Variants in GALNT17 observed in about 807,000 individuals in gnomAD.
The protein encoded by GALNT17 is UDP-GalNAc:polypeptide N-acetylgalactosaminyltransferase-like 3.
In GALNT17, 29 loss-of-function variants were observed where a neutral mutation model predicts 63.7. The ratio of observed to expected loss-of-function variants is 0.46; its 90% confidence interval spans 0.34 to 0.62. GALNT17 has a LOEUF of 0.62. GALNT17 is among the 20% of genes least tolerant of loss of function. The pLI is 0.01. For synonymous variants in GALNT17, 305 were observed against 318.3 expected (o/e 0.96, Z 0.45); for missense variants, 603 against 799.6 (o/e 0.75, Z 2.97).
intron 3 of GALNT17, among the ~76,000 whole-genome samples, chr7:71,399,484 G>A (rs892700089): frequency 7.2e-5 from 11 of 152,138 alleles, no homozygotes; most frequent in African/African-American, 2.7e-4. Context: ...CTCTGATTCT[G>A]CGTTCTAGCT....
intron 2 of GALNT17, among the ~76,000 whole-genome samples, chr7:71,358,351 C>G (rs923672340): frequency 7.2e-5 from 11 of 152,312 alleles, no homozygotes; most frequent in African/African-American, 1.9e-4. Context: ...GTCGAGATTG[C>G]GCCATTGCAC....
At chr7:71,402,553 C>T (rs1452503716) in intron 3 of GALNT17, among the ~76,000 whole-genome samples, 1 of 152,118 alleles carries the variant, frequency 6.6e-6, no homozygotes, top group Non-Finnish European at 1.5e-5. Flanking sequence ...TGCCTATCTC[C>T]CATCACCATC....
intron 1 of GALNT17, among the ~76,000 whole-genome samples, chr7:71,209,852 A>G (rs1006777305): frequency 1.3e-5 from 2 of 152,202 alleles, no homozygotes; most frequent in Non-Finnish European, 2.9e-5. Flanking sequence ...GGCAGCAGCA[A>G]GAGAAAATGA....
intron 5 of GALNT17, among the ~76,000 whole-genome samples, chr7:71,534,272 G>A (rs1788767599): frequency 6.6e-6 from 1 of 152,062 alleles, no homozygotes; most frequent in Non-Finnish European, 1.5e-5. Flanking sequence ...GCATGGAGAA[G>A]TGTAAAGCAA....
chr7:71,283,141 C>A (rs530063439), intron 1 of GALNT17, among the ~76,000 whole-genome samples: 1 of 102,272 alleles, frequency 9.8e-6, no homozygotes, highest in Admixed American at 9.2e-5. Flanking sequence ...AAGTGATCCT[C>A]CTGCCTCAGC....
intron 5 of GALNT17, among the ~76,000 whole-genome samples, chr7:71,492,941 A>T (rs1246792445): frequency 3.3e-5 from 5 of 152,214 alleles, no homozygotes; most frequent in African/African-American, 9.6e-5. Flanking sequence ...TTTAATTCAC[A>T]TGCTATGAAT....
rs59064900 is a variant in GALNT17 at position 71,199,672 on chromosome 7, C to CCCAT, written c.238+66669_238+66672dup. On this transcript the variant is annotated intron_variant, in intron 1 of 10. Transcript: ENST00000333538. ...ACCCATCCATCTGTCCATCCTTCCA[C>CCCAT]CCATCCATCCATCCATCCATCCATC... 4.7e-3 allele frequency among the ~76,000 whole-genome samples: 585 copies of CCCAT among 123,990 alleles called. 11 individuals are homozygous for CCCAT. In the East Asian group the frequency reaches 0.058, roughly 12 times the overall value. 81.3% of individuals were successfully genotyped at this position (123,990 alleles called of 152,430 possible).
At chr7:71,459,568 C>A (rs1459604029) in intron 5 of GALNT17, among the ~76,000 whole-genome samples, 1 of 152,128 alleles carries the variant, frequency 6.6e-6, no homozygotes, top group Non-Finnish European at 1.5e-5. Flanking sequence ...CCCTATAGAT[C>A]GTGACTTACT....
intron 6 of GALNT17, among the ~76,000 whole-genome samples, chr7:71,614,541 G>A (rs1305849684): frequency 6.6e-6 from 1 of 151,946 alleles, no homozygotes; most frequent in Non-Finnish European, 1.5e-5. Flanking sequence ...GATTGCTTGA[G>A]CCCAGGAGTT....
At chr7:71,230,838 G>GTTTT (rs1789774987) in intron 1 of GALNT17, among the ~76,000 whole-genome samples, 1 of 152,124 alleles carries the variant, frequency 6.6e-6, no homozygotes, top group African/African-American at 2.4e-5. Flanking sequence ...TGAGACAGTG[G>GTTTT]TTTTCAAAGT....
At chr7:71,574,231 G>A (rs528883925) in intron 6 of GALNT17, among the ~76,000 whole-genome samples, 15 of 152,294 alleles carry the variant, frequency 9.8e-5, no homozygotes, top group East Asian at 3.9e-4. Context: ...TCTTTCAGCC[G>A]TTGTGGAAGG....
intron 1 of GALNT17, among the ~76,000 whole-genome samples, chr7:71,329,077 G>T (rs1791756807): frequency 6.6e-6 from 1 of 152,154 alleles, no homozygotes; most frequent in African/African-American, 2.4e-5. Context: ...AAGATATGCT[G>T]TATCGTCAAG....
At chr7:71,505,100 C>A (rs532305030) in intron 5 of GALNT17, among the ~76,000 whole-genome samples, 2 of 152,248 alleles carry the variant, frequency 1.3e-5, no homozygotes, top group African/African-American at 4.8e-5. Flanking sequence ...CTTACTTGAC[C>A]CACAGAACCC....
intron 2 of GALNT17, among the ~76,000 whole-genome samples, chr7:71,343,375 T>G (rs1792038669): frequency 6.6e-6 from 1 of 152,396 alleles, no homozygotes; most frequent in African/African-American, 2.4e-5. Flanking sequence ...GCTTTAATTC[T>G]TACTGTTTTA....
intron 4 of GALNT17, among the ~76,000 whole-genome samples, chr7:71,418,092 G>GT: frequency 6.6e-6 from 1 of 152,178 alleles, no homozygotes; most frequent in Non-Finnish European, 1.5e-5. Context: ...ACTTTCAGTG[G>GT]TAAGGCTGGA....
intron 1 of GALNT17, among the ~76,000 whole-genome samples, chr7:71,261,366 A>G (rs1431042208): frequency 6.6e-6 from 1 of 152,186 alleles, no homozygotes; most frequent in East Asian, 1.9e-4. Context: ...GAGCAAAAAT[A>G]CTTTCCCCAA....
At chr7:71,241,822 T>C (rs2116468926) in intron 1 of GALNT17, among the ~76,000 whole-genome samples, 1 of 152,156 alleles carries the variant, frequency 6.6e-6, no homozygotes, top group East Asian at 1.9e-4. Flanking sequence ...CCAGGAGTTC[T>C]AGGCTGCAGT....
intron 1 of GALNT17, among the ~76,000 whole-genome samples, chr7:71,197,330 G>A (rs912380351): frequency 6.7e-6 from 1 of 149,810 alleles, no homozygotes; most frequent in Non-Finnish European, 1.5e-5. Context: ...CTCCTGAGTA[G>A]CTGGGACTAC....
chr7:71,369,682 A>G (rs1364646600), intron 2 of GALNT17, among the ~76,000 whole-genome samples: 1 of 151,740 alleles, frequency 6.6e-6, no homozygotes, highest in African/African-American at 2.4e-5. Context: ...GTGTCATGGC[A>G]CGCGCCTGTA....
Sources: allele counts gnomAD v4.1 joint callset (sites outside exome capture counted in the v4.1 genomes callset), GRCh38; gene constraint gnomAD v4.1.1; transcripts MANE v1.5; gene names NCBI Gene and HGNC (gene_info 2026-07-23, HGNC 2026-07-21).